ATP11B: variants seen among roughly 807,000 people sequenced by gnomAD.
ATP11B encodes phospholipid-transporting ATPase IF.
A neutral mutation model predicts 157.8 loss-of-function variants in ATP11B; 81 were observed. The observed-to-expected ratio is 0.51, with a 90% CI of 0.43 to 0.62. The LOEUF is 0.62. Among genes scored for constraint, ATP11B ranks in the 20% least tolerant of loss-of-function variants. The pLI is 0.00. For missense variants in ATP11B, 1,165 were observed against 1,402.2 expected, an observed-to-expected ratio of 0.83 and a Z score of 2.70; for synonymous variants, 451 against 469.4, an observed-to-expected ratio of 0.96 and a Z score of 0.51.
intron 2 of ATP11B, among the ~76,000 whole-genome samples, chr3:182,822,894 A>T (rs1015981914): frequency 6.6e-6 from 1 of 152,244 alleles, no homozygotes; most frequent in African/African-American, 2.4e-5. Flanking sequence ...TTTCATGTGT[A>T]TTTTGGCTGC....
intron 7 of ATP11B, among the ~76,000 whole-genome samples, chr3:182,837,730 C>T (rs914931950): frequency 4.0e-5 from 6 of 151,856 alleles, no homozygotes; most frequent in African/African-American, 1.5e-4. Flanking sequence ...TCACAGTGAA[C>T]ACAAAATAAA....
intron 1 of ATP11B, among the ~76,000 whole-genome samples, chr3:182,819,570 A>G (rs986606401): frequency 3.0e-4 from 46 of 152,186 alleles, no homozygotes; most frequent in African/African-American, 1.0e-3. Context: ...AGGTCAGGAT[A>G]TGAGTTCCCA....
chr3:182,821,173 A>T (rs1717318379), intron 2 of ATP11B, among the ~76,000 whole-genome samples: 1 of 152,028 alleles, frequency 6.6e-6, no homozygotes. Context: ...GCAGTGGTGC[A>T]ATCTTGGCCC....
intron 12 of ATP11B, among the ~76,000 whole-genome samples, chr3:182,865,199 C>T (rs777320200): frequency 3.3e-5 from 5 of 152,146 alleles, no homozygotes; most frequent in Non-Finnish European, 5.9e-5. Flanking sequence ...CTCGTCAATT[C>T]TACAGATAAA....
chr3:182,858,147 G>A, intron 11 of ATP11B, 119 bp downstream of exon 11: 1 of 871,622 alleles, frequency 1.1e-6, no homozygotes, highest in Non-Finnish European at 1.7e-6. Context: ...TGGTACTGAA[G>A]GGTGACAGAA....
chr3:182,891,739 A>G (rs1287716944), intron 25 of ATP11B, among the ~76,000 whole-genome samples: 1 of 152,198 alleles, frequency 6.6e-6, no homozygotes, highest in Non-Finnish European at 1.5e-5. Flanking sequence ...ATTGAAATTA[A>G]TCTGCCACTC....
intron 11 of ATP11B, 29 bp from the exon 12 acceptor site, chr3:182,859,133 T>A: frequency 1.3e-6 from 2 of 1,526,252 alleles, no homozygotes; most frequent in South Asian, 2.4e-5. Context: ...TTATTTTTTC[T>A]TTTCAAACAA....
At chr3:182,889,348 T>C in intron 24 of ATP11B, 62 bp from the exon 25 acceptor site, 1 of 1,181,400 alleles carries the variant, frequency 8.5e-7, no homozygotes, top group Non-Finnish European at 1.2e-6. Context: ...ATTATATTAA[T>C]TGTTTAGTGG....
chr3:182,841,540 C>A (rs962585143), intron 7 of ATP11B, among the ~76,000 whole-genome samples: 4 of 152,160 alleles, frequency 2.6e-5, no homozygotes, highest in Non-Finnish European at 5.9e-5. Context: ...AACATTTATT[C>A]ATTACCTCAT....
At chr3:182,893,192 A>G (rs558776859) in intron 25 of ATP11B, among the ~76,000 whole-genome samples, 3 of 152,378 alleles carry the variant, frequency 2.0e-5, no homozygotes, top group Non-Finnish European at 4.4e-5. Flanking sequence ...AAAGTTAAAA[A>G]TAAGCTTAAG....
At chr3:182,800,418 G>A (rs1232336246) in intron 1 of ATP11B, among the ~76,000 whole-genome samples, 2 of 151,772 alleles carry the variant, frequency 1.3e-5, no homozygotes, top group African/African-American at 4.8e-5. Flanking sequence ...GTAGAGGTGG[G>A]GGTCTCACTA....
chr3:182,795,730 C>CAAGG (rs1715558524), intron 1 of ATP11B, among the ~76,000 whole-genome samples: 1 of 152,172 alleles, frequency 6.6e-6, no homozygotes, highest in Non-Finnish European at 1.5e-5. Flanking sequence ...AATTAAACAT[C>CAAGG]AAGGACCCTG....
At chr3:182,917,907 G>A in intron 29 of ATP11B, 116 bp from the exon 30 acceptor site, 1 of 1,434,790 alleles carries the variant, frequency 7.0e-7, no homozygotes, top group East Asian at 2.5e-5. Context: ...CCTCTCTTTA[G>A]TATTTAAATG....
chr3:182,889,010 G>A (rs113003707), intron 24 of ATP11B, among the ~76,000 whole-genome samples: 18,158 of 151,814 alleles, frequency 0.12, 1,210 homozygotes, highest in African/African-American at 0.18. Context: ...CTACAGGCGC[G>A]TGCCAACATG....
At chr3:182,910,095 A>G (rs891206012) in intron 28 of ATP11B, among the ~76,000 whole-genome samples, 18 of 147,506 alleles carry the variant, frequency 1.2e-4, no homozygotes, top group Admixed American at 5.4e-4. Flanking sequence ...AAAAAAAAAA[A>G]GCAGCTGAGT....
intron 4 of ATP11B, among the ~76,000 whole-genome samples, chr3:182,834,768 A>G (rs1691586633): frequency 6.6e-6 from 1 of 152,194 alleles, no homozygotes; most frequent in African/African-American, 2.4e-5. Context: ...ATTTTTGTTA[A>G]GCACAATTGA....
intron 8 of ATP11B, chr3:182,844,594 G>C (rs1488850035): frequency 1.9e-5 from 19 of 979,420 alleles, no homozygotes; most frequent in Non-Finnish European, 2.2e-5. Flanking sequence ...AGTATGCAAT[G>C]CAAGTAGTCA....
rs1444737185 is a variant in ATP11B, at chr3:182,859,321, C to G, written c.1162C>G (p.Gln388Glu). The G allele has an allele frequency of 6.2e-7, 1 of 1,608,694 alleles. No homozygotes were observed. Among genetic ancestry groups the G allele is most frequent in the South Asian group, 1.1e-5 (1 of 90,120 alleles). ...TCATGAAGAATCAGATCAGAAAGCT[C>G]AAGTCAATACTTCCGATCTGAATGA... ...LYHEESDQKA[Q>E]VNTSDLNEEL... Residue 388 changes from glutamine (Q) to glutamate (E), a missense_variant, in exon 12 of 30, where the codon CAA (glutamine) becomes GAA (glutamate). Transcript: ENST00000323116.
chr3:182,834,911 C>G (rs186779256), intron 4 of ATP11B, among the ~76,000 whole-genome samples: 2 of 152,284 alleles, frequency 1.3e-5, no homozygotes, highest in Admixed American at 6.5e-5. Flanking sequence ...ATAAGACAGT[C>G]ATTTAACACA....
Sources: gnomAD v4.1 joint callset for allele counts (sites outside exome capture counted in the v4.1 genomes callset) on GRCh38, gnomAD v4.1.1 for gene constraint, MANE v1.5 for transcripts, NCBI Gene and HGNC (gene_info 2026-07-23, HGNC 2026-07-21) for gene names.